The following NUP210L variants were observed in gnomAD, a reference collection of about 807,000 sequenced individuals.
NUP210L encodes nucleoporin 210 like.
In NUP210L, 74 loss-of-function variants were observed where a neutral mutation model predicts 208.5. The observed-to-expected ratio is 0.35, with a 90% CI of 0.29 to 0.43. The LOEUF is 0.43. NUP210L is among the 20% of genes least tolerant of loss of function. The probability of loss-of-function intolerance (pLI) is 1.00; values close to 1 mark genes in which losing one functional copy is unlikely to be tolerated. For missense variants in NUP210L, 1,843 were observed against 2,289.4 expected (o/e 0.81, Z 3.98); for synonymous variants, 780 against 816.9 (o/e 0.95, Z 0.77).
chr1:154,062,134 G>C (rs1654174230), intron 17 of NUP210L, among the ~76,000 whole-genome samples: 2 of 152,034 alleles, frequency 1.3e-5, no homozygotes, highest in African/African-American at 2.4e-5. Context: ...CCTGAAAACT[G>C]GGTTTTTGTG....
Position 154,139,683 on chromosome 1 carries a change from C to CAAA in NUP210L, c.717+116_717+118dup. On this transcript the variant is annotated intron_variant, in intron 5 of 39. Transcript: ENST00000368559. ...GTCTGTCTCTACAAAAACAAACAAA[C>CAAA]AAACAAAAAAAAAAAAAAAACAGGG... 10 of 761,310 alleles carry CAAA rather than the reference C, an allele frequency of 1.3e-5. No individual in the cohort carries two copies. The East Asian group carries it at 2.6e-4, about 20-fold the overall frequency. The allele number at this position is 761,310 out of a possible 1,614,324, so 47.2% of individuals were successfully genotyped here.
At chr1:154,063,645 C>A (rs1654250368) in intron 17 of NUP210L, among the ~76,000 whole-genome samples, 1 of 152,018 alleles carries the variant, frequency 6.6e-6, no homozygotes, top group South Asian at 2.1e-4. Context: ...ATAGTAAGAA[C>A]TAAATAAATG....
At position 154,127,810 on chromosome 1, in the gene NUP210L, C is replaced by T. The variant is rs574735653; in HGVS notation, c.1079-393G>A. The stretch of plus-strand genomic sequence containing the variant: ...CCTCAAGTGATCTGCCTGCCTCAGC[C>T]TCCCAAAGTGCTGGAATTACAGGCC... On this transcript the variant is annotated intron_variant, in intron 8 of 39. Coordinates refer to ENST00000368559, the Ensembl canonical transcript of NUP210L. Among the ~76,000 whole-genome samples the T allele has an allele frequency of 7.2e-5, 11 of 152,234 alleles. No individual in the cohort carries two copies. The South Asian group carries it at 2.1e-3, about 29-fold the overall frequency.
At chr1:154,114,399 T>C (rs1223803463) in intron 12 of NUP210L, among the ~76,000 whole-genome samples, 2 of 152,190 alleles carry the variant, frequency 1.3e-5, no homozygotes, top group African/African-American at 2.4e-5. Context: ...GACATTTACA[T>C]TACACAGGAT....
chr1:154,092,409 G>A (rs928109933), intron 15 of NUP210L, among the ~76,000 whole-genome samples: 26 of 148,440 alleles, frequency 1.8e-4, no homozygotes, highest in African/African-American at 5.0e-4. Flanking sequence ...TCACTCTGTC[G>A]CCCAGGCTGG....
intron 8 of NUP210L, 136 bp from the exon 9 acceptor site, chr1:154,127,553 CTTT>C (rs10531787): frequency 0.08 from 14,585 of 183,378 alleles, 9 homozygotes; most frequent in East Asian, 0.12. Flanking sequence ...AAAGTAGGTT[CTTT>C]TTTTTTTTTT....
chr1:154,134,693 C>A (rs569204398), intron 7 of NUP210L, among the ~76,000 whole-genome samples: 1 of 129,308 alleles, frequency 7.7e-6, no homozygotes, highest in South Asian at 2.5e-4. Flanking sequence ...GCCGAGATTG[C>A]GCCACTGCAC....
intron 12 of NUP210L, among the ~76,000 whole-genome samples, chr1:154,105,728 T>C (rs1036086969): frequency 6.6e-6 from 1 of 152,176 alleles, no homozygotes; most frequent in African/African-American, 2.4e-5. Flanking sequence ...CCAAGTGGGC[T>C]TCAGGGGTCC....
At chr1:154,097,228 T>C (rs1656222541) in intron 14 of NUP210L, among the ~76,000 whole-genome samples, 1 of 152,156 alleles carries the variant, frequency 6.6e-6, no homozygotes, top group Non-Finnish European at 1.5e-5. Flanking sequence ...GCTGATAATA[T>C]AAAAGGACAA....
intron 7 of NUP210L, 113 bp downstream of exon 7, chr1:154,135,701 G>T: frequency 1.1e-6 from 1 of 921,050 alleles, no homozygotes; most frequent in Non-Finnish European, 1.7e-6. Context: ...AATTACAGGC[G>T]TGAGCCACCG....
chr1:154,072,100 A>G (rs1232358999), intron 16 of NUP210L, among the ~76,000 whole-genome samples: 3 of 151,900 alleles, frequency 2.0e-5, no homozygotes, highest in Non-Finnish European at 2.9e-5. Flanking sequence ...GTGTGCAAGT[A>G]TCTTTTTCAT....
intron 3 of NUP210L, 97 bp from the exon 4 acceptor site, chr1:154,141,621 T>C (rs775593376): frequency 2.9e-4 from 207 of 720,350 alleles, no homozygotes; most frequent in South Asian, 5.6e-4. Context: ...GAAAATTACT[T>C]TGAAGCCTCT....
At chr1:154,040,655 T>G (rs1366744326) in intron 27 of NUP210L, among the ~76,000 whole-genome samples, 1 of 151,320 alleles carries the variant, frequency 6.6e-6, no homozygotes, top group Non-Finnish European at 1.5e-5. Context: ...GGCGTGATCT[T>G]GGCTCACTGC....
At chr1:154,014,418 C>G (rs556019802) in intron 33 of NUP210L, among the ~76,000 whole-genome samples, 1 of 152,236 alleles carries the variant, frequency 6.6e-6, no homozygotes, top group East Asian at 1.9e-4. Context: ...AATCCCTTCT[C>G]AGTCTCTTTT....
chr1:154,118,752 A>C, exon 11 of NUP210L: 1 of 1,594,032 alleles, frequency 6.3e-7, no homozygotes, highest in Non-Finnish European at 8.6e-7. Context: ...TGGGAAAATA[A>C]ATCTTCACTT....
chr1:154,143,259 T>C (rs1658949123), intron 3 of NUP210L, among the ~76,000 whole-genome samples, 187 bp downstream of exon 3: 1 of 152,278 alleles, frequency 6.6e-6, no homozygotes, highest in Non-Finnish European at 1.5e-5. Flanking sequence ...AGGAATATTT[T>C]ATGAAAACGT....
intron 15 of NUP210L, among the ~76,000 whole-genome samples, chr1:154,094,275 T>C (rs1222290880): frequency 6.6e-6 from 1 of 151,100 alleles, no homozygotes; most frequent in African/African-American, 2.4e-5. Flanking sequence ...AGAGCAAGAC[T>C]CCATCTCAAA....
chr1:154,134,107 G>C (rs928434995), intron 7 of NUP210L, among the ~76,000 whole-genome samples: 1 of 144,942 alleles, frequency 6.9e-6, no homozygotes, highest in African/African-American at 2.6e-5. Flanking sequence ...CAGAAATCGC[G>C]CCACTGCACT....
At chr1:154,109,289 GA>G (rs1230859736) in intron 12 of NUP210L, among the ~76,000 whole-genome samples, 2 of 151,478 alleles carry the variant, frequency 1.3e-5, no homozygotes, top group African/African-American at 4.9e-5. Context: ...TATAAAAAGA[GA>G]AAAAGAAGGC....
Sources: allele counts gnomAD v4.1 joint callset (sites outside exome capture counted in the v4.1 genomes callset), GRCh38; gene constraint gnomAD v4.1.1; transcripts MANE v1.5; gene names NCBI Gene and HGNC (gene_info 2026-07-23, HGNC 2026-07-21).